TRMT11: variants seen among roughly 807,000 people sequenced by gnomAD.
The protein encoded by TRMT11 is tRNA (guanine(10)-N(2))-methyltransferase TRMT11.
Under a neutral mutation model 62.8 loss-of-function variants are expected in TRMT11, and 53 were observed. That is an observed-to-expected ratio of 0.84 (90% CI 0.68 to 1.06). The LOEUF is 1.06. TRMT11 is among the 50% of genes least tolerant of loss of function. The pLI is 0.00. For missense variants in TRMT11, 556 were observed against 553.4 expected, an observed-to-expected ratio of 1.00 and a Z score of -0.05; for synonymous variants, 188 against 190.3, an observed-to-expected ratio of 0.99 and a Z score of 0.10.
At chr6:126,091,645 T>C (rs1170510661) in intron 17 of TRMT11, among the ~76,000 whole-genome samples, 3 of 152,196 alleles carry the variant, frequency 2.0e-5, no homozygotes, top group Non-Finnish European at 2.9e-5. Context: ...ACCCTATTTG[T>C]CTGGCTTTGT....
At chr6:126,071,405 A>G (rs554283655) in intron 17 of TRMT11, among the ~76,000 whole-genome samples, 8 of 148,648 alleles carry the variant, frequency 5.4e-5, no homozygotes, top group Non-Finnish European at 8.9e-5. Flanking sequence ...TGACATTTTT[A>G]GTAGATCTCC....
At chr6:126,153,469 G>A (rs1230884760) in intron 21 of TRMT11, among the ~76,000 whole-genome samples, 2 of 152,168 alleles carry the variant, frequency 1.3e-5, no homozygotes, top group African/African-American at 4.8e-5. Context: ...ATAAAGCCAA[G>A]TTTCAATGTG....
chr6:126,169,789 C>A (rs1340469526), intron 21 of TRMT11, among the ~76,000 whole-genome samples: 2 of 152,090 alleles, frequency 1.3e-5, no homozygotes. Context: ...TCTTTCAGGT[C>A]CCAGCTGGTA....
At chr6:126,017,793 G>A (rs923084448) in intron 11 of TRMT11, among the ~76,000 whole-genome samples, 8 of 152,178 alleles carry the variant, frequency 5.3e-5, no homozygotes, top group African/African-American at 1.9e-4. Context: ...GTATTTGTGA[G>A]TTTATTATTT....
At chr6:126,269,028 G>A in the TRMT11 span, among the ~76,000 whole-genome samples, 1 of 151,680 alleles carries the variant, frequency 6.6e-6, no homozygotes, top group Non-Finnish European at 1.5e-5. Context: ...TTGGGAGGCC[G>A]AGGCGGGCGG....
intron 12 of TRMT11, among the ~76,000 whole-genome samples, chr6:126,032,120 T>C (rs1774313078): frequency 6.6e-6 from 1 of 152,120 alleles, no homozygotes; most frequent in African/African-American, 2.4e-5. Context: ...TTATTCCCCA[T>C]CCCTACTCCC....
At chr6:126,175,439 C>A (rs1311918803), upstream of TRMT11, among the ~76,000 whole-genome samples, 1 of 152,046 alleles carries the variant, frequency 6.6e-6, no homozygotes, top group Non-Finnish European at 1.5e-5. Flanking sequence ...GTTTTTGTAG[C>A]AAGAGTTAGT....
At chr6:126,209,712 C>T in the TRMT11 span, among the ~76,000 whole-genome samples, 2 of 151,836 alleles carry the variant, frequency 1.3e-5, no homozygotes, top group South Asian at 2.1e-4. Flanking sequence ...TGGGAGACAG[C>T]GGCGAGACTC....
intron 17 of TRMT11, among the ~76,000 whole-genome samples, chr6:126,075,085 T>A (rs781550902): frequency 1.3e-5 from 2 of 152,176 alleles, no homozygotes; most frequent in Non-Finnish European, 2.9e-5. Flanking sequence ...TCTGCTATTG[T>A]GTTCTAAATG....
chr6:126,257,496 A>G, the TRMT11 span, among the ~76,000 whole-genome samples: 1 of 152,026 alleles, frequency 6.6e-6, no homozygotes. Flanking sequence ...CAGTTTTGAA[A>G]TCAACATAAA....
At chr6:126,004,194 A>AT (rs1457983453) in intron 7 of TRMT11, among the ~76,000 whole-genome samples, 1 of 151,952 alleles carries the variant, frequency 6.6e-6, no homozygotes, top group Non-Finnish European at 1.5e-5. Context: ...TATGGGTAAT[A>AT]TTTTTTTGTT....
chr6:126,213,852 T>C, the TRMT11 span, among the ~76,000 whole-genome samples: 4 of 152,198 alleles, frequency 2.6e-5, no homozygotes, highest in South Asian at 8.3e-4. Context: ...GCTTTTATTC[T>C]TTCCCATTTG....
Position 126,121,316 on chromosome 6 carries a change from C to G in TRMT11, c.*1823+5461C>G, listed in dbSNP as rs540677954. Among the ~76,000 whole-genome samples the G allele has an allele frequency of 2.6e-5, 4 of 152,180 alleles. No homozygotes were observed. The South Asian group carries it at 8.3e-4, about 32-fold the overall frequency. Reference sequence around the variant, plus strand: ...TAGATATGATGCCCATTTATTAGCTCTAAAAAATCACAAGTAAGAATAACA... The same window carrying G: ...TAGATATGATGCCCATTTATTAGCTGTAAAAAATCACAAGTAAGAATAACA... On this transcript the variant is annotated intron_variant and NMD_transcript_variant, in intron 21 of 22. Coordinates refer to the TRMT11 transcript ENST00000648977.
upstream of TRMT11, among the ~76,000 whole-genome samples, chr6:126,175,760 A>G (rs908072830): frequency 6.6e-6 from 1 of 152,234 alleles, no homozygotes. Flanking sequence ...AGTACTCTGC[A>G]GACATCCTTG....
chr6:126,185,232 A>G (rs1407884313), intron 1 of TRMT11, among the ~76,000 whole-genome samples: 2 of 152,208 alleles, frequency 1.3e-5, no homozygotes, highest in Non-Finnish European at 2.9e-5. Flanking sequence ...TGAAGGATAG[A>G]GTCAGTAGGA....
intron 21 of TRMT11, among the ~76,000 whole-genome samples, chr6:126,131,549 C>T (rs755389163): frequency 5.9e-5 from 9 of 151,862 alleles, no homozygotes; most frequent in Admixed American, 2.6e-4. Flanking sequence ...AGCACAGAAA[C>T]GAGGCCAGAC....
chr6:126,190,371 G>A (rs1049849752), intron 1 of TRMT11, among the ~76,000 whole-genome samples: 5 of 152,102 alleles, frequency 3.3e-5, no homozygotes, highest in South Asian at 2.1e-4. Flanking sequence ...CATGAGAGCT[G>A]ATGGTTTTAA....
the TRMT11 span, among the ~76,000 whole-genome samples, chr6:126,242,294 C>T: frequency 1.7e-3 from 253 of 152,312 alleles, 2 homozygotes; most frequent in Middle Eastern, 3.4e-3. Context: ...AGGACACAAA[C>T]AAATGGAAGA....
At chr6:126,209,870 C>T in the TRMT11 span, among the ~76,000 whole-genome samples, 1 of 152,192 alleles carries the variant, frequency 6.6e-6, no homozygotes, top group African/African-American at 2.4e-5. Context: ...ATATCAATCT[C>T]AGTCATCTCT....
Sources: allele counts gnomAD v4.1 joint callset (sites outside exome capture counted in the v4.1 genomes callset), GRCh38; gene constraint gnomAD v4.1.1; transcripts MANE v1.5; gene names NCBI Gene and HGNC (gene_info 2026-07-23, HGNC 2026-07-21).